ACYP2: variants seen among roughly 807,000 people sequenced by gnomAD.
The protein encoded by ACYP2 is acylphosphatase-2.
ACYP2 carries 12 observed loss-of-function variants against 11.2 expected under a neutral mutation model. That is an observed-to-expected ratio of 1.08 (90% CI 0.69 to 1.74). The LOEUF is 1.74. ACYP2 is among the 40% of genes most tolerant of loss of function. The pLI is 0.00. For synonymous variants in ACYP2, 43 were observed against 32.2 expected (o/e 1.33, Z -1.13); for missense variants, 134 against 101.9 (o/e 1.31, Z -1.35).
intron 2 of ACYP2, among the ~76,000 whole-genome samples, chr2:53,978,288 AT>A (rs1297125668): frequency 2.6e-5 from 4 of 152,008 alleles, no homozygotes; most frequent in African/African-American, 9.7e-5. Flanking sequence ...AGAACTTCTA[AT>A]TCTAAAATAT....
intron 6 of ACYP2, among the ~76,000 whole-genome samples, chr2:54,172,217 C>G (rs553970984): frequency 6.6e-6 from 1 of 151,646 alleles, no homozygotes; most frequent in African/African-American, 2.4e-5. Context: ...GACCCTGTCT[C>G]TAGAAAAATA....
intron 6 of ACYP2, among the ~76,000 whole-genome samples, chr2:54,153,730 C>T (rs770840632): frequency 3.2e-4 from 48 of 151,274 alleles, no homozygotes; most frequent in Admixed American, 7.9e-4. Context: ...CTCTCGAGTG[C>T]CTGGGACTAC....
chr2:54,083,843 G>A (rs1192997003), intron 4 of ACYP2, among the ~76,000 whole-genome samples: 3 of 152,062 alleles, frequency 2.0e-5, no homozygotes, highest in Non-Finnish European at 2.9e-5. Context: ...ACTGACCCAG[G>A]GCAGATCCAG....
intron 6 of ACYP2, among the ~76,000 whole-genome samples, chr2:54,193,544 TA>T (rs1684328221): frequency 6.6e-6 from 1 of 152,208 alleles, no homozygotes; most frequent in Non-Finnish European, 1.5e-5. Flanking sequence ...AAAGATAAAA[TA>T]AAAATTGTAT....
chr2:53,984,835 C>A (rs1392277206), intron 2 of ACYP2, among the ~76,000 whole-genome samples: 1 of 151,604 alleles, frequency 6.6e-6, no homozygotes, highest in African/African-American at 2.4e-5. Flanking sequence ...GCAGAAAAAG[C>A]ATTTATTAGT....
chr2:54,169,351 G>T (rs1011823476), intron 6 of ACYP2, among the ~76,000 whole-genome samples: 1 of 152,018 alleles, frequency 6.6e-6, no homozygotes, highest in African/African-American at 2.4e-5. Flanking sequence ...ATCCCCCTTT[G>T]ACTTCAGTTT....
intron 2 of ACYP2, among the ~76,000 whole-genome samples, chr2:54,043,717 T>C (rs1300097541): frequency 2.0e-5 from 3 of 152,194 alleles, no homozygotes; most frequent in Non-Finnish European, 4.4e-5. Context: ...ACTACCATGC[T>C]GGTTACTTAT....
chr2:54,075,677 G>A (rs1363497110), intron 4 of ACYP2, among the ~76,000 whole-genome samples: 3 of 151,980 alleles, frequency 2.0e-5, no homozygotes, highest in East Asian at 3.9e-4. Flanking sequence ...GCCAGGTGTG[G>A]TGGTGCATGC....
At chr2:54,128,659 C>T (rs1344216884) in intron 4 of ACYP2, among the ~76,000 whole-genome samples, 1 of 151,980 alleles carries the variant, frequency 6.6e-6, no homozygotes, top group East Asian at 1.9e-4. Flanking sequence ...AGAGTGAGAC[C>T]CCATCTCTTT....
chr2:54,049,288 A>C (rs1485782249), intron 2 of ACYP2, among the ~76,000 whole-genome samples: 1 of 151,846 alleles, frequency 6.6e-6, no homozygotes, highest in African/African-American at 2.4e-5. Context: ...TAATGAACTG[A>C]CTAGTGCCAC....
intron 1 of ACYP2, among the ~76,000 whole-genome samples, chr2:53,972,575 C>G (rs1204403276): frequency 6.6e-6 from 1 of 152,124 alleles, no homozygotes; most frequent in Non-Finnish European, 1.5e-5. Context: ...CCACAGCACT[C>G]CAGCCTGGGT....
chr2:54,096,725 C>G (rs866705593), intron 4 of ACYP2, among the ~76,000 whole-genome samples: 10 of 152,196 alleles, frequency 6.6e-5, no homozygotes, highest in Non-Finnish European at 1.0e-4. Context: ...CACAGGCACT[C>G]GGCAGGCTGA....
chr2:54,044,672 G>C (rs188533335), intron 2 of ACYP2, among the ~76,000 whole-genome samples: 1 of 151,992 alleles, frequency 6.6e-6, no homozygotes. Flanking sequence ...ACAAGGATAT[G>C]AGGCCTTTTC....
At chr2:54,150,486 TA>T (rs374597609) in intron 6 of ACYP2, among the ~76,000 whole-genome samples, 129 of 152,308 alleles carry the variant, frequency 8.5e-4, no homozygotes, top group African/African-American at 2.8e-3. Context: ...AGTGCCCTGA[TA>T]CTCGGCTCAT....
At chr2:54,274,625 C>CAA (rs70944155) in intron 6 of ACYP2, among the ~76,000 whole-genome samples, 799 of 37,696 alleles carry the variant, frequency 0.021, 108 homozygotes, top group Admixed American at 0.064. Flanking sequence ...GACTCCATCT[C>CAA]AAAAAAAAAA....
At chr2:54,108,427 G>A (rs368922967) in intron 4 of ACYP2, among the ~76,000 whole-genome samples, 27 of 152,178 alleles carry the variant, frequency 1.8e-4, no homozygotes, top group African/African-American at 2.7e-4. Context: ...CCAGACCTGC[G>A]GGTAAATCTG....
chr2:54,037,789 A>G (rs963619776), intron 2 of ACYP2, among the ~76,000 whole-genome samples: 7 of 152,226 alleles, frequency 4.6e-5, no homozygotes, highest in Non-Finnish European at 8.8e-5. Context: ...GAAACAAATG[A>G]AATGTAAGAC....
chr2:54,000,341 G>A (rs1489757971), intron 2 of ACYP2, among the ~76,000 whole-genome samples: 1 of 152,126 alleles, frequency 6.6e-6, no homozygotes, highest in Non-Finnish European at 1.5e-5. Context: ...AGAGGTGTGA[G>A]GAAGAGAAAT....
intron 4 of ACYP2, among the ~76,000 whole-genome samples, chr2:54,133,481 T>C (rs1681045420): frequency 6.6e-6 from 1 of 152,216 alleles, no homozygotes; most frequent in African/African-American, 2.4e-5. Context: ...ATTTACCATG[T>C]GTTCTAGGTA....
Sources: allele counts gnomAD v4.1 joint callset (sites outside exome capture counted in the v4.1 genomes callset), GRCh38; gene constraint gnomAD v4.1.1; transcripts MANE v1.5; gene names NCBI Gene and HGNC (gene_info 2026-07-23, HGNC 2026-07-21).